FIRRM: variants seen among roughly 807,000 people sequenced by gnomAD.
FIRRM encodes FIGNL1 interacting regulator of recombination and mitosis.
At chr1:169,821,818 T>C in the FIRRM span, 3 of 1,158,930 alleles carry the variant, frequency 2.6e-6, no homozygotes, top group South Asian at 2.6e-5. Flanking sequence ...AACGAATTAT[T>C]ATCCCTATTC....
the FIRRM span, chr1:169,801,014 G>A: frequency 2.0e-6 from 2 of 984,262 alleles, no homozygotes; most frequent in Admixed American, 4.4e-5. Flanking sequence ...AAGGAATCTA[G>A]CCTCAGTCTT....
At chr1:169,815,440 G>A in the FIRRM span, among the ~76,000 whole-genome samples, 1 of 152,026 alleles carries the variant, frequency 6.6e-6, no homozygotes. Flanking sequence ...GAAAGGGGTG[G>A]GCAATTCCCA....
chr1:169,847,075 C>A, the FIRRM span, among the ~76,000 whole-genome samples: 7 of 152,082 alleles, frequency 4.6e-5, no homozygotes, highest in African/African-American at 9.7e-5. Flanking sequence ...GTTGGTAGAA[C>A]AGTCACAACA....
At chr1:169,808,059 T>G in the FIRRM span, 1 of 890,450 alleles carries the variant, frequency 1.1e-6, no homozygotes, top group Non-Finnish European at 1.7e-6. Flanking sequence ...TGTTTTTTTT[T>G]GATCTGTGGG....
chr1:169,804,361 T>G, the FIRRM span: 1 of 833,440 alleles, frequency 1.2e-6, no homozygotes, highest in Non-Finnish European at 1.7e-6. Context: ...ATTTAAATCT[T>G]ACCAAATAAA....
chr1:169,852,646 G>C, the FIRRM span: 13 of 758,586 alleles, frequency 1.7e-5, no homozygotes, highest in African/African-American at 2.3e-4. Context: ...CTAGATGACT[G>C]TGTAGGGGTT....
chr1:169,801,212 G>T, the FIRRM span, among the ~76,000 whole-genome samples: 15 of 151,944 alleles, frequency 9.9e-5, no homozygotes, highest in South Asian at 2.7e-3. Flanking sequence ...AGAGGCTGAG[G>T]TGGGCAGATC....
the FIRRM span, among the ~76,000 whole-genome samples, chr1:169,843,382 A>G: frequency 6.6e-6 from 1 of 152,202 alleles, no homozygotes; most frequent in African/African-American, 2.4e-5. Context: ...GTGATAGACA[A>G]GTAATTAGAT....
At chr1:169,811,792 A>T in the FIRRM span, among the ~76,000 whole-genome samples, 6 of 142,740 alleles carry the variant, frequency 4.2e-5, no homozygotes, top group East Asian at 1.9e-3. Context: ...TAATAGACAG[A>T]TTATCTAAAT....
chr1:169,846,959 T>C, the FIRRM span, among the ~76,000 whole-genome samples: 1 of 152,196 alleles, frequency 6.6e-6, no homozygotes, highest in African/African-American at 2.4e-5. Flanking sequence ...GATGAGATTA[T>C]ACTTTTCACT....
chr1:169,810,100 A>T, the FIRRM span, among the ~76,000 whole-genome samples: 1 of 152,220 alleles, frequency 6.6e-6, no homozygotes, highest in South Asian at 2.1e-4. Context: ...AGCTCCCTTC[A>T]ACCTCTTTTA....
At chr1:169,853,617 C>CTT in the FIRRM span, 1 of 1,335,136 alleles carries the variant, frequency 7.5e-7, no homozygotes, top group Admixed American at 1.8e-5. Flanking sequence ...AAGCAGGCCA[C>CTT]TTTGGGGTTT....
the FIRRM span, chr1:169,798,899 A>G: frequency 7.7e-7 from 1 of 1,290,528 alleles, no homozygotes; most frequent in East Asian, 2.6e-5. Context: ...TGATACTAGT[A>G]TCTTCCTTAA....
chr1:169,785,634 G>A, the FIRRM span, among the ~76,000 whole-genome samples: 3 of 152,038 alleles, frequency 2.0e-5, no homozygotes, highest in Non-Finnish European at 1.5e-5. Context: ...CTGTTCTGCC[G>A]TTCATCTGCC....
At chr1:169,854,040 TC>T in the FIRRM span, 1 of 566,120 alleles carries the variant, frequency 1.8e-6, no homozygotes, top group Non-Finnish European at 3.0e-6. Flanking sequence ...CCCTTTTTTT[TC>T]TTTTTCAAAT....
the FIRRM span, among the ~76,000 whole-genome samples, chr1:169,836,538 T>C: frequency 1.3e-5 from 2 of 152,222 alleles, no homozygotes; most frequent in Admixed American, 6.5e-5. Context: ...GCTATGAAGG[T>C]TGACTAAATC....
At chr1:169,853,558 C>G in the FIRRM span, 1 of 739,390 alleles carries the variant, frequency 1.4e-6, no homozygotes, top group South Asian at 1.8e-5. Flanking sequence ...CACAGTCAGT[C>G]TCCTACTTCA....
At chr1:169,836,228 T>A in the FIRRM span, among the ~76,000 whole-genome samples, 636 of 152,294 alleles carry the variant, frequency 4.2e-3, 16 homozygotes, top group South Asian at 0.075. Flanking sequence ...TTTTTACCAT[T>A]TTTCTACCAA....
At chr1:169,792,683 T>G in the FIRRM span, 1 of 1,611,790 alleles carries the variant, frequency 6.2e-7, no homozygotes, top group Non-Finnish European at 8.5e-7. Flanking sequence ...TACAAACTTC[T>G]GAAAGAGATG....
Sources: gnomAD v4.1 joint callset for allele counts (sites outside exome capture counted in the v4.1 genomes callset) on GRCh38, gnomAD v4.1.1 for gene constraint, MANE v1.5 for transcripts, NCBI Gene and HGNC (gene_info 2026-07-23, HGNC 2026-07-21) for gene names.